SLC22A23: variants seen among roughly 807,000 people sequenced by gnomAD.
SLC22A23 encodes solute carrier family 22 member 23, also known as ion transporter protein.
A neutral mutation model predicts 61.0 loss-of-function variants in SLC22A23; 26 were observed. The observed-to-expected ratio is 0.43, with a 90% CI of 0.31 to 0.59. The LOEUF (loss-of-function observed/expected upper bound fraction) is 0.59, where lower values mean the gene tolerates loss of function less well. Ranked by LOEUF, SLC22A23 falls within the 20% of genes least tolerant of loss-of-function variation. The pLI is 0.11. For missense variants in SLC22A23, 796 were observed against 934.7 expected, an observed-to-expected ratio of 0.85 and a Z score of 1.94; for synonymous variants, 430 against 413.9, an observed-to-expected ratio of 1.04 and a Z score of -0.47.
At chr6:3,287,858 A>AT (rs1174287971) in intron 6 of SLC22A23, among the ~76,000 whole-genome samples, 1 of 151,776 alleles carries the variant, frequency 6.6e-6, no homozygotes, top group Non-Finnish European at 1.5e-5. Flanking sequence ...TAATTTTTGT[A>AT]TTTTTTGGTA....
intron 1 of SLC22A23, among the ~76,000 whole-genome samples, chr6:3,430,028 G>A (rs1020627354): frequency 6.6e-6 from 1 of 152,086 alleles, no homozygotes; most frequent in Non-Finnish European, 1.5e-5. Flanking sequence ...CACTTAAAAT[G>A]GTTAATTTTA....
intron 3 of SLC22A23, among the ~76,000 whole-genome samples, chr6:3,345,541 T>C (rs997785500): frequency 6.6e-6 from 1 of 151,846 alleles, no homozygotes; most frequent in African/African-American, 2.4e-5. Flanking sequence ...AATTTTTTAT[T>C]TTTAGTAGAG....
At chr6:3,352,859 GACAAGCCGCGTGCCCTGCAAAC>G (rs1256060390) in intron 3 of SLC22A23, among the ~76,000 whole-genome samples, 21 of 152,264 alleles carry the variant, frequency 1.4e-4, no homozygotes, top group African/African-American at 4.8e-4. Context: ...GATACGCATG[GACAAGCCGCGTGCCCTGCAAAC>G]ACCCGGGAGA....
intron 3 of SLC22A23, among the ~76,000 whole-genome samples, chr6:3,332,469 C>G (rs998887164): frequency 6.6e-6 from 1 of 152,198 alleles, no homozygotes; most frequent in African/African-American, 2.4e-5. Flanking sequence ...TTCCCATCTT[C>G]TCTTGCATCT....
chr6:3,388,110 T>C (rs936237025), intron 3 of SLC22A23, among the ~76,000 whole-genome samples: 14 of 152,146 alleles, frequency 9.2e-5, no homozygotes, highest in Admixed American at 9.2e-4. Flanking sequence ...CTGGCCTAGA[T>C]GTAGGGAGAG....
rs1031756182 is a variant in SLC22A23, at chr6:3,318,988, T to C, written c.1082+4846A>G. ...GCAGGTGACACCCAGCCTTCCCCAG[T>C]GCAGGCACCAGGATGTCACACAGCC... On this transcript the variant is annotated intron_variant, in intron 4 of 9. Transcript: ENST00000406686. This position sits in a 1 kb window ranked among gnomAD's most constrained non-coding sequence, Gnocchi z 4.3. Among the ~76,000 whole-genome samples, 9 of 152,186 alleles carry C rather than the reference T, an allele frequency of 5.9e-5. No individual in the cohort carries two copies. Among genetic ancestry groups the C allele is most frequent in the African/African-American group, 2.2e-4 (9 of 41,450 alleles).
At chr6:3,323,028 C>T (rs1244814039) in intron 4 of SLC22A23, among the ~76,000 whole-genome samples, 1 of 150,626 alleles carries the variant, frequency 6.6e-6, no homozygotes, top group Non-Finnish European at 1.5e-5. Flanking sequence ...GTTTTCCAGT[C>T]TTGACTCAAC....
chr6:3,410,708 A>T lies in SLC22A23; in HGVS notation c.759-366T>A, dbSNP rs183078931. On this transcript the variant is annotated intron_variant, in intron 2 of 9. Transcript: ENST00000406686. The surrounding 1 kb of genome is among the most constrained non-coding windows in gnomAD (Gnocchi z 5.0). ...GAACCTTGATACACCCAGCATAAAA[A>T]GTCTTGAGAAATCGTTGACCTTTGG... is the stretch of plus-strand genomic sequence containing the variant. Among the ~76,000 whole-genome samples the T allele has an allele frequency of 6.6e-6, 1 of 152,304 alleles. No individual in the cohort carries two copies. Among genetic ancestry groups the T allele is most frequent in the East Asian group, 1.9e-4 (1 of 5,190 alleles).
At position 3,280,490 on chromosome 6, in the gene SLC22A23, C is replaced by CTT. The variant is rs1163139930; in HGVS notation, c.1703+3360_1703+3361dup. On this transcript the variant is annotated intron_variant, in intron 9 of 9. Coordinates refer to ENST00000406686, the MANE Select transcript of SLC22A23 (RefSeq NM_015482.2). ...CAGATGTGACATTTTTAAGACACAA[C>CTT]TTTTTTTTTTTTTTTTTTTTTTTGA... 4.8e-3 allele frequency among the ~76,000 whole-genome samples: 274 copies of CTT among 57,286 alleles called. 19 individuals carry two copies. Among genetic ancestry groups the CTT allele is most frequent in the East Asian group, 0.015 (36 of 2,392 alleles). 37.6% of individuals were successfully genotyped at this position (57,286 alleles called of 152,430 possible).
chr6:3,358,142 C>T (rs2127444249), intron 3 of SLC22A23, among the ~76,000 whole-genome samples: 1 of 152,208 alleles, frequency 6.6e-6, no homozygotes, highest in East Asian at 1.9e-4. Context: ...ATGGTGCAGC[C>T]ATTATGGAAA....
At chr6:3,394,234 A>G (rs1286378494) in intron 3 of SLC22A23, among the ~76,000 whole-genome samples, 1 of 152,194 alleles carries the variant, frequency 6.6e-6, no homozygotes, top group Non-Finnish European at 1.5e-5. Context: ...CTGTAATTCA[A>G]TTAAATCCTT....
intron 1 of SLC22A23, among the ~76,000 whole-genome samples, chr6:3,442,903 G>T (rs1381365559): frequency 6.6e-6 from 1 of 152,022 alleles, no homozygotes; most frequent in African/African-American, 2.4e-5. Context: ...TCAGCTCTTT[G>T]GTTCTCTGTT....
rs9328161 is a variant in SLC22A23, at chr6:3,360,265, T to C, written c.914-36263A>G. ...AGTTAAAATGGTAATTTTTATGCTA[T>C]GTTTATTTTACCATGATAAAACAAA... On this transcript the variant is annotated intron_variant, in intron 3 of 9. Coordinates refer to ENST00000406686, the MANE Select transcript of SLC22A23 (RefSeq NM_015482.2). This position sits in a 1 kb window ranked among gnomAD's most constrained non-coding sequence, Gnocchi z 4.6. 0.16 allele frequency among the ~76,000 whole-genome samples: 24,724 copies of C among 152,270 alleles called. 2,575 individuals are homozygous for C. Among genetic ancestry groups the C allele is most frequent in the East Asian group, 0.44 (2,264 of 5,184 alleles).
At chr6:3,413,188 C>CCCTT (rs1769391056) in intron 2 of SLC22A23, among the ~76,000 whole-genome samples, 1 of 152,178 alleles carries the variant, frequency 6.6e-6, no homozygotes. Context: ...CCACAACAGA[C>CCCTT]GGTGTTTGAC....
intron 2 of SLC22A23, among the ~76,000 whole-genome samples, chr6:3,412,158 T>C (rs4959237): frequency 0.67 from 101,675 of 152,064 alleles, 34,473 homozygotes; most frequent in South Asian, 0.78. Flanking sequence ...ACGTCCCTGA[T>C]GCCTACCAAA....
At chr6:3,399,344 G>A (rs1273538828) in intron 3 of SLC22A23, among the ~76,000 whole-genome samples, 1 of 152,206 alleles carries the variant, frequency 6.6e-6, no homozygotes, top group Non-Finnish European at 1.5e-5. Context: ...TTCCTGAACT[G>A]TTTTTCCCCC....
chr6:3,334,802 GGGTCAGGGACTGACTGCACA>G (rs1178584178), intron 3 of SLC22A23, among the ~76,000 whole-genome samples: 1 of 152,212 alleles, frequency 6.6e-6, no homozygotes, highest in African/African-American at 2.4e-5. Context: ...AACATGAGCA[GGGTCAGGGACTGACTGCACA>G]CTGCCAGTCT....
intron 3 of SLC22A23, among the ~76,000 whole-genome samples, chr6:3,388,251 G>A (rs951985761): frequency 6.6e-6 from 1 of 152,174 alleles, no homozygotes; most frequent in Non-Finnish European, 1.5e-5. Context: ...GTGTCACAGA[G>A]CTCACATACT....
intron 4 of SLC22A23, among the ~76,000 whole-genome samples, chr6:3,302,225 A>C (rs1399093201): frequency 3.3e-5 from 5 of 152,172 alleles, no homozygotes; most frequent in Non-Finnish European, 4.4e-5. Flanking sequence ...ATTGGCATAT[A>C]GGTATTCATA....
Sources: allele counts gnomAD v4.1 joint callset (sites outside exome capture counted in the v4.1 genomes callset), GRCh38; gene constraint gnomAD v4.1.1; non-coding constraint Gnocchi (gnomAD v3.1); transcripts MANE v1.5; gene names NCBI Gene and HGNC (gene_info 2026-07-23, HGNC 2026-07-21).